The following GIMAP4 variants were observed in gnomAD, a reference collection of about 807,000 sequenced individuals.
The protein encoded by GIMAP4 is GTPase, IMAP family member 4, also known as GTPase IMAP family member 4.
GIMAP4 carries 12 observed loss-of-function variants against 10.8 expected under a neutral mutation model. That is an observed-to-expected ratio of 1.11 (90% CI 0.71 to 1.81). The LOEUF (loss-of-function observed/expected upper bound fraction) is 1.81. GIMAP4 is among the 40% of genes most tolerant of loss of function. The pLI is 0.00. For missense variants in GIMAP4, 412 were observed against 404.6 expected, an observed-to-expected ratio of 1.02 and a Z score of -0.16; for synonymous variants, 149 against 147.2, an observed-to-expected ratio of 1.01 and a Z score of -0.09.
chr7:150,568,558 C>G (rs1563317475), intron 1 of GIMAP4, among the ~76,000 whole-genome samples: 1 of 152,158 alleles, frequency 6.6e-6, no homozygotes. Context: ...TTCTATAACA[C>G]TACATATTAA....
At chr7:150,569,182 A>G (rs1341108313) in intron 1 of GIMAP4, among the ~76,000 whole-genome samples, 1 of 152,246 alleles carries the variant, frequency 6.6e-6, no homozygotes, top group African/African-American at 2.4e-5. Flanking sequence ...GTTTTAAAAG[A>G]ACATCTGATT....
chr7:150,572,369 C>G lies in GIMAP4; in HGVS notation c.299C>G (p.Ser100Cys). Residue 100 changes from serine to cysteine, a missense_variant, in exon 3 of 3, where the codon TCC (serine) becomes TGC (cysteine). Transcript: ENST00000255945. ...ACAGAGGTGCCCAATGCTGAAACGT[C>G]CAAGGAGATTATTCGCTGCATTCTT... ...FDTEVPNAETSKEIIRCILLT... is the reference protein window; with the variant it reads ...FDTEVPNAETCKEIIRCILLT... 1.2e-6 allele frequency: 2 copies of G among 1,614,086 alleles called. No individual in the cohort carries two copies. The highest frequency in any genetic ancestry group is 1.7e-6 in the Non-Finnish European group (2 of 1,179,960).
intron 2 of GIMAP4, 38 bp downstream of exon 2, chr7:150,569,997 G>T: frequency 6.8e-7 from 1 of 1,460,160 alleles, no homozygotes; most frequent in Non-Finnish European, 9.6e-7. Context: ...CCAGGCTGCA[G>T]GGAGGTTAGC....
chr7:150,569,925 G>A lies in GIMAP4; in HGVS notation c.24G>A (p.Met8Ile). 3 of 1,593,866 alleles carry A rather than the reference G, an allele frequency of 1.9e-6. No individual in the cohort carries two copies. Among genetic ancestry groups the A allele is most frequent in the Non-Finnish European group, 2.6e-6 (3 of 1,162,804 alleles). The change falls in exon 2 of 3, where the codon ATG becomes ATA. Residue 8 changes from methionine to isoleucine, a missense_variant. By Grantham distance (10) the Met-to-Ile change is conservative. Coordinates refer to ENST00000255945, the MANE Select transcript of GIMAP4 (RefSeq NM_018326.3). MAAQYGS[M>I]SFNPSTPGAS... Reference sequence around the variant, plus strand: ...CAATGGCAGCCCAATACGGCAGTATGAGCTTCAACCCCAGCACACCAGGGG... The same window carrying A: ...CAATGGCAGCCCAATACGGCAGTATAAGCTTCAACCCCAGCACACCAGGGG...
In GIMAP4 at chr7:150,573,237, A is replaced by G; in HGVS notation, c.*177A>G. ...TTAACAAGAGAGGGACAAATTTTCA[A>G]TTTGTGAAACTCCAAAGCAGAAAGT... is the stretch of plus-strand genomic sequence containing the variant. On this transcript the variant is annotated 3_prime_UTR_variant, in exon 3 of 3. Transcript: ENST00000255945. 3.6e-6 allele frequency: 2 copies of G among 561,372 alleles called. No individual in the cohort carries two copies. Among genetic ancestry groups the G allele is most frequent in the Admixed American group, 3.4e-5 (1 of 29,156 alleles). The allele number at this position is 561,372 out of a possible 1,614,324, so 34.8% of individuals were successfully genotyped here. A position where few individuals can be genotyped will look rare whatever the true frequency, so the allele number is the denominator to read the frequency against.
At chr7:150,567,517 T>A (rs1795676943) in intron 1 of GIMAP4, 80 bp downstream of exon 1, 1 of 152,154 alleles carries the variant, frequency 6.6e-6, no homozygotes, top group Non-Finnish European at 1.5e-5. Flanking sequence ...TCTTAAATCG[T>A]CTGGTAAACA....
intron 2 of GIMAP4, 196 bp downstream of exon 2, chr7:150,570,155 T>G: frequency 1.7e-6 from 1 of 604,180 alleles, no homozygotes; most frequent in Non-Finnish European, 3.0e-6. Context: ...CTTGACCCTC[T>G]GCACTTTCTG....
rs1795740591 is a variant in GIMAP4, at chr7:150,572,328, AC to A, written c.260del (p.Pro87GlnfsTer23). 1.9e-6 allele frequency: 3 copies of A among 1,614,030 alleles called. No homozygotes were observed. Among genetic ancestry groups the A allele is most frequent in the Non-Finnish European group, 1.7e-6 (2 of 1,179,984 alleles). ...AAACAGAACTTGTCGTAGTTGACAC[AC>A]CAGGCATTTTCGACACAGAGGTGCC... ...KETELVVVDT[P>X]GIFDTEVPNA... is the part of the protein sequence containing the mutation. On this transcript the variant is annotated frameshift_variant, in exon 3 of 3. Transcript: ENST00000255945. LOFTEE classifies it high-confidence loss of function.
intron 2 of GIMAP4, 30 bp from the exon 3 acceptor site, chr7:150,572,099 C>T: frequency 7.0e-7 from 1 of 1,436,464 alleles, no homozygotes; most frequent in Non-Finnish European, 9.6e-7. Flanking sequence ...ATTCTAACAG[C>T]ATGGCTTTTT....
chr7:150,572,279 A>G lies in GIMAP4; in HGVS notation c.209A>G (p.Glu70Gly), dbSNP rs773262641. The change falls in exon 3 of 3, where the codon GAG becomes GGG. Residue 70 changes from glutamate to glycine, a missense_variant. Transcript: ENST00000255945. ...GCAAAATCCATTACCAAGAAGTGTGAGAAACGCAGCAGCTCATGGAAGGAA... is the reference window on the plus strand; with the variant it reads ...GCAAAATCCATTACCAAGAAGTGTGGGAAACGCAGCAGCTCATGGAAGGAA... ...TAAKSITKKC[E>G]KRSSSWKETE... 6.2e-7 allele frequency: 1 copy of G among 1,614,148 alleles called. No individual in the cohort carries two copies. The highest frequency in any genetic ancestry group is 1.1e-5 in the South Asian group (1 of 91,082).
Position 150,572,200 on chromosome 7 carries a change from A to T in GIMAP4, c.130A>T (p.Ser44Cys), listed in dbSNP as rs1401794395. Residue 44 changes from serine (S) to cysteine (C), a missense_variant, in exon 3 of 3, where the codon AGT (serine) becomes TGT (cysteine). Physicochemically the swap from Ser to Cys is moderately radical, Grantham distance 112. Transcript: ENST00000255945. ...VLVGKTGAGK[S>C]ATGNSILGRK... ...AGTGGGTAAAACCGGAGCAGGAAAA[A>T]GTGCAACAGGAAACAGCATCCTTGG... 1 of 1,614,002 alleles carries T rather than the reference A, an allele frequency of 6.2e-7. No homozygotes were observed. The highest frequency in any genetic ancestry group is 1.3e-5 in the African/African-American group (1 of 74,944).
Position 150,573,074 on chromosome 7 carries a change from C to T in GIMAP4, c.*14C>T, listed in dbSNP as rs775526521. 2 of 1,529,334 alleles carry T rather than the reference C, an allele frequency of 1.3e-6. No homozygotes were observed. Among genetic ancestry groups the T allele is most frequent in the Non-Finnish European group, 1.8e-6 (2 of 1,113,238 alleles). The allele number at this position is 1,529,334 out of a possible 1,614,324, so 94.7% of individuals were successfully genotyped here. On this transcript the variant is annotated 3_prime_UTR_variant, in exon 3 of 3. Coordinates refer to ENST00000255945, the MANE Select transcript of GIMAP4 (RefSeq NM_018326.3). ...GCGGAAGATTAAACTTAATGAAAAT[C>T]TGTTTGTATTTTCTGCATATTCTCT...
chr7:150,573,043 C>T lies in GIMAP4; in HGVS notation c.973C>T (p.Leu325=), dbSNP rs375788070. 7 of 1,594,720 alleles carry T rather than the reference C, an allele frequency of 4.4e-6. No homozygotes were observed. In the African/African-American group the frequency reaches 8.1e-5, roughly 18 times the overall value. ...GATTGCTTCCTTTATTTTGTTACGT[C>T]TGTTCGCGGAAGATTAAACTTAATG... ...LQIASFILLR[L]FAED is the part of the protein sequence containing the mutation. The change falls in exon 3 of 3, where the codon CTG becomes TTG. Residue 325 remains leucine, a synonymous_variant. Coordinates refer to ENST00000255945, the MANE Select transcript of GIMAP4 (RefSeq NM_018326.3).
In GIMAP4 at chr7:150,569,978, C is replaced by T; in HGVS notation, c.58+19C>T. Reference sequence around the variant, plus strand: ...AGTTATGGTGAGAGGGCATTCAGTGCTCCCCAGACCAGGCTGCAGGGAGGT... The same window carrying T: ...AGTTATGGTGAGAGGGCATTCAGTGTTCCCCAGACCAGGCTGCAGGGAGGT... On this transcript the variant is annotated intron_variant, in intron 2 of 2. Coordinates refer to ENST00000255945, the MANE Select transcript of GIMAP4 (RefSeq NM_018326.3). The T allele has an allele frequency of 6.4e-7, 1 of 1,558,594 alleles. No homozygotes were observed. The highest frequency in any genetic ancestry group is 1.1e-5 in the South Asian group (1 of 89,994).
chr7:150,569,426 G>A lies in GIMAP4; in HGVS notation c.-14-462G>A, dbSNP rs190698191. On this transcript the variant is annotated intron_variant, in intron 1 of 2. Transcript: ENST00000255945. ...ACGGGGCTAGATGTTGGTGCCATCT[G>A]CTGAGCGGGGAGCCAGGAAGGCAGA... is the stretch of plus-strand genomic sequence containing the variant. Among the ~76,000 whole-genome samples, 484 of 152,322 alleles carry A rather than the reference G, an allele frequency of 3.2e-3. 4 individuals are homozygous for A. The highest frequency in any genetic ancestry group is 0.011 in the African/African-American group (459 of 41,584).
intron 1 of GIMAP4, among the ~76,000 whole-genome samples, chr7:150,568,483 T>C (rs1325810028): frequency 2.0e-5 from 3 of 152,238 alleles, no homozygotes; most frequent in East Asian, 1.9e-4. Context: ...TCTTCAAATA[T>C]CTTTCTCCAT....
At chr7:150,569,413 G>A (rs1795702190) in intron 1 of GIMAP4, among the ~76,000 whole-genome samples, 1 of 152,214 alleles carries the variant, frequency 6.6e-6, no homozygotes, top group South Asian at 2.1e-4. Flanking sequence ...GGGGCTAGAT[G>A]TTGGTGCCAT....
Position 150,573,118 on chromosome 7 carries a change from T to G in GIMAP4, c.*58T>G. ...ATTCTCTGGCAACCTTGCCCCATACTTACTTATTTAGCATAGTCGAGTGCT... is the reference window on the plus strand; with the variant it reads ...ATTCTCTGGCAACCTTGCCCCATACGTACTTATTTAGCATAGTCGAGTGCT... On this transcript the variant is annotated 3_prime_UTR_variant, in exon 3 of 3. Coordinates refer to ENST00000255945, the MANE Select transcript of GIMAP4 (RefSeq NM_018326.3). The G allele has an allele frequency of 8.9e-7, 1 of 1,123,598 alleles. No individual in the cohort carries two copies. 69.6% of individuals were successfully genotyped at this position (1,123,598 alleles called of 1,614,324 possible). A position where few individuals can be genotyped will look rare whatever the true frequency, so the allele number is the denominator to read the frequency against.
chr7:150,569,524 GAGATACAA>G (rs776608826), intron 1 of GIMAP4, among the ~76,000 whole-genome samples: 9 of 152,092 alleles, frequency 5.9e-5, no homozygotes, highest in Non-Finnish European at 7.4e-5. Flanking sequence ...CAAATGGAGT[GAGATACAA>G]AAGTTTGGAA....
Sources: allele counts gnomAD v4.1 joint callset (sites outside exome capture counted in the v4.1 genomes callset), GRCh38; gene constraint gnomAD v4.1.1; transcripts MANE v1.5; gene names NCBI Gene and HGNC (gene_info 2026-07-23, HGNC 2026-07-21).